The following WWOX variants were observed in gnomAD, a reference collection of about 807,000 sequenced individuals.
The protein encoded by WWOX is WW domain containing oxidoreductase.
A neutral mutation model predicts 46.2 loss-of-function variants in WWOX; 69 were observed. That is an observed-to-expected ratio of 1.49 (90% CI 1.23 to 1.82). WWOX has a LOEUF of 1.82. Among genes scored for constraint, WWOX ranks in the 40% most tolerant of loss-of-function variants. The pLI, the probability that WWOX is intolerant of heterozygous loss-of-function variation, is 0.00. For synonymous variants in WWOX, 359 were observed against 202.6 expected (o/e 1.77, Z -6.56); for missense variants, 919 against 542.6 (o/e 1.69, Z -6.89).
intron 8 of WWOX, among the ~76,000 whole-genome samples, chr16:79,076,433 G>T (rs566567993): frequency 1.3e-5 from 2 of 152,258 alleles, no homozygotes; most frequent in Admixed American, 1.3e-4. Flanking sequence ...GTGAATCTAT[G>T]GAAGACTCAA....
intron 8 of WWOX, among the ~76,000 whole-genome samples, chr16:78,737,763 C>G (rs940557613): frequency 6.6e-6 from 1 of 152,046 alleles, no homozygotes; most frequent in Non-Finnish European, 1.5e-5. Flanking sequence ...TCTTCCTCAC[C>G]TGATTTCCCC....
chr16:78,286,086 A>G (rs532019352), intron 5 of WWOX, among the ~76,000 whole-genome samples: 4 of 152,286 alleles, frequency 2.6e-5, no homozygotes, highest in Admixed American at 2.6e-4. Context: ...ATCCTTATTC[A>G]TTTAAAAAAA....
At chr16:78,099,999 AG>A in intron 1 of WWOX, 114 bp downstream of exon 1, 1 of 1,506,320 alleles carries the variant, frequency 6.6e-7, no homozygotes, top group Non-Finnish European at 8.8e-7. Flanking sequence ...GCAAAGTGAA[AG>A]TAACTGTTAA....
intron 8 of WWOX, among the ~76,000 whole-genome samples, chr16:79,055,617 A>C (rs1332831560): frequency 6.6e-6 from 1 of 152,236 alleles, no homozygotes; most frequent in African/African-American, 2.4e-5. Context: ...TCATGGGCAG[A>C]ATAAACAATT....
chr16:78,648,465 C>G (rs1456834408), intron 8 of WWOX, among the ~76,000 whole-genome samples: 2 of 152,148 alleles, frequency 1.3e-5, no homozygotes, highest in African/African-American at 4.8e-5. Context: ...TAATGAGACA[C>G]CAAAGATACA....
intron 8 of WWOX, among the ~76,000 whole-genome samples, chr16:78,832,257 C>A (rs550666036): frequency 1.3e-5 from 2 of 152,230 alleles, no homozygotes; most frequent in Non-Finnish European, 2.9e-5. Flanking sequence ...ACCATGGGGG[C>A]CTCTCTGTAC....
intron 5 of WWOX, among the ~76,000 whole-genome samples, chr16:78,214,079 C>T (rs532973940): frequency 8.5e-4 from 129 of 152,308 alleles, no homozygotes; most frequent in Middle Eastern, 3.4e-3. Context: ...CTTGCCTCCC[C>T]TGCTGCCCAT....
chr16:78,648,816 C>T (rs535654553), intron 8 of WWOX, among the ~76,000 whole-genome samples: 1 of 152,272 alleles, frequency 6.6e-6, no homozygotes, highest in Admixed American at 6.5e-5. Context: ...TGGCTGACTG[C>T]CTGGCTGCAG....
intron 8 of WWOX, among the ~76,000 whole-genome samples, chr16:78,738,563 G>T (rs998161896): frequency 6.6e-6 from 1 of 152,064 alleles, no homozygotes; most frequent in Non-Finnish European, 1.5e-5. Flanking sequence ...TATTAGAAGA[G>T]TGCAAGTTTG....
At chr16:78,355,188 C>T (rs1448196334) in intron 5 of WWOX, among the ~76,000 whole-genome samples, 11 of 152,022 alleles carry the variant, frequency 7.2e-5, no homozygotes, top group African/African-American at 2.4e-4. Context: ...GCCAGTCACT[C>T]TATAGTAACT....
chr16:79,132,267 A>C (rs1040108363), intron 8 of WWOX, among the ~76,000 whole-genome samples: 4 of 152,150 alleles, frequency 2.6e-5, no homozygotes, highest in African/African-American at 9.7e-5. Flanking sequence ...TTTACATAAA[A>C]AGGCAGCAGT....
At chr16:79,129,079 G>A (rs2049821192) in intron 8 of WWOX, among the ~76,000 whole-genome samples, 1 of 152,122 alleles carries the variant, frequency 6.6e-6, no homozygotes, top group East Asian at 1.9e-4. Flanking sequence ...CTGAGAGTTT[G>A]CAAGTATGGA....
intron 8 of WWOX, among the ~76,000 whole-genome samples, chr16:78,446,901 T>A (rs903818440): frequency 1.3e-5 from 2 of 152,092 alleles, no homozygotes; most frequent in Non-Finnish European, 1.5e-5. Context: ...CCTCAAGGGA[T>A]CCACCTACCT....
intron 8 of WWOX, among the ~76,000 whole-genome samples, chr16:78,749,293 C>A (rs757522498): frequency 2.6e-5 from 4 of 152,124 alleles, no homozygotes; most frequent in Non-Finnish European, 5.9e-5. Context: ...AAGTTCAATC[C>A]TCTTCCCTAC....
At chr16:78,561,055 G>T (rs937460934) in intron 8 of WWOX, among the ~76,000 whole-genome samples, 1 of 152,148 alleles carries the variant, frequency 6.6e-6, no homozygotes, top group African/African-American at 2.4e-5. Context: ...CTCTGTGGAA[G>T]AATCCACTGC....
intron 8 of WWOX, among the ~76,000 whole-genome samples, chr16:79,117,047 A>ATT (rs138859793): frequency 2.0e-4 from 31 of 151,410 alleles, no homozygotes; most frequent in Non-Finnish European, 3.7e-4. Flanking sequence ...GAATATTTTT[A>ATT]TTTTTTTTAT....
intron 8 of WWOX, among the ~76,000 whole-genome samples, chr16:78,528,165 A>ATTTTTTTTTTTTTTTTTT (rs56803717): frequency 6.8e-5 from 4 of 58,400 alleles, no homozygotes; most frequent in African/African-American, 1.7e-4. Flanking sequence ...CACCTGGCTA[A>ATTTTTTTTTTTTTTTTTT]TTTTTTTTTT....
chr16:78,530,071 T>C (rs553915999), intron 8 of WWOX, among the ~76,000 whole-genome samples: 1 of 152,242 alleles, frequency 6.6e-6, no homozygotes, highest in East Asian at 1.9e-4. Context: ...CCACCCCTTC[T>C]GGGAGGAAGC....
At chr16:78,520,273 T>C (rs1320087238) in intron 8 of WWOX, among the ~76,000 whole-genome samples, 3 of 152,208 alleles carry the variant, frequency 2.0e-5, no homozygotes, top group Non-Finnish European at 4.4e-5. Flanking sequence ...AAAGTCTTGA[T>C]AGAAACACTC....
Sources: gnomAD v4.1 joint callset for allele counts (sites outside exome capture counted in the v4.1 genomes callset) on GRCh38, gnomAD v4.1.1 for gene constraint, MANE v1.5 for transcripts, NCBI Gene and HGNC (gene_info 2026-07-23, HGNC 2026-07-21) for gene names.